ODF2: variants seen among roughly 807,000 people sequenced by gnomAD.
ODF2 encodes outer dense fiber of sperm tails 2.
A neutral mutation model predicts 110.2 loss-of-function variants in ODF2; 47 were observed. The ratio of observed to expected loss-of-function variants is 0.43; its 90% confidence interval spans 0.34 to 0.54. The LOEUF is 0.54. Ranked by LOEUF, ODF2 falls within the 20% of genes least tolerant of loss-of-function variation. The pLI is 0.03. For missense variants in ODF2, 812 were observed against 1,054.5 expected, an observed-to-expected ratio of 0.77 and a Z score of 3.19; for synonymous variants, 352 against 397.7, an observed-to-expected ratio of 0.89 and a Z score of 1.37.
intron 8 of ODF2, among the ~76,000 whole-genome samples, chr9:128,479,983 G>A (rs1011200957): frequency 2.6e-5 from 4 of 152,170 alleles, no homozygotes; most frequent in Non-Finnish European, 5.9e-5. Context: ...TTAGCCAGGT[G>A]TGGTGGCACA....
chr9:128,487,810 CACA>C, intron 13 of ODF2, 77 bp from the exon 14 acceptor site: 1 of 312,856 alleles, frequency 3.2e-6, no homozygotes, highest in Non-Finnish European at 4.4e-6. Context: ...ACAAAACACA[CACA>C]CACACACACA....
At chr9:128,492,353 G>C in intron 14 of ODF2, 73 bp from the exon 15 acceptor site, 2 of 1,008,432 alleles carry the variant, frequency 2.0e-6, no homozygotes, top group Non-Finnish European at 3.2e-6. Context: ...TGGTTCTTTG[G>C]ATAGAGTTGA....
chr9:128,477,339 A>G (rs141509914), intron 8 of ODF2, among the ~76,000 whole-genome samples: 1,797 of 151,892 alleles, frequency 0.012, 34 homozygotes, highest in African/African-American at 0.041. Flanking sequence ...GCTTGAGGCC[A>G]GGAGTTTGAG....
At chr9:128,493,407 C>CA (rs1023322694) in intron 16 of ODF2, among the ~76,000 whole-genome samples, 3 of 152,024 alleles carry the variant, frequency 2.0e-5, no homozygotes, top group Admixed American at 6.6e-5. Flanking sequence ...AACAAACAAA[C>CA]AAAAAACCTC....
chr9:128,501,069 T>C (rs1484871507), downstream of ODF2: 1 of 152,180 alleles, frequency 6.6e-6, no homozygotes, highest in Middle Eastern at 3.2e-3. Context: ...TTTAAAGTAC[T>C]TGGTGCCTGA....
chr9:128,471,068 C>T (rs967184913), intron 5 of ODF2, among the ~76,000 whole-genome samples: 3 of 152,114 alleles, frequency 2.0e-5, no homozygotes, highest in Non-Finnish European at 2.9e-5. Flanking sequence ...CATGTGCCAC[C>T]ACATCTGGCT....
chr9:128,492,854 A>C, intron 16 of ODF2, 49 bp downstream of exon 16: 1 of 1,479,216 alleles, frequency 6.8e-7, no homozygotes, highest in Middle Eastern at 1.7e-4. Context: ...TCCATATCTA[A>C]CTCAATGACT....
rs371896508 is a variant in ODF2, at chr9:128,471,296, C to A, written c.421-12C>A. The A allele has an allele frequency of 3.1e-6, 5 of 1,592,264 alleles. No individual in the cohort carries two copies. The highest frequency in any genetic ancestry group is 2.3e-5 in the East Asian group (1 of 43,754). Reference sequence around the variant, plus strand: ...TCCCTTCAGTGGCCCCTGCCTGGGTCCCCCTGCTCAGGTCAAGATGCAAAA... The same window carrying A: ...TCCCTTCAGTGGCCCCTGCCTGGGTACCCCTGCTCAGGTCAAGATGCAAAA... On this transcript the variant is annotated splice_polypyrimidine_tract_variant and intron_variant, in intron 5 of 20. Transcript: ENST00000604420.
chr9:128,476,935 G>A (rs1357769713), intron 8 of ODF2, among the ~76,000 whole-genome samples: 2 of 149,820 alleles, frequency 1.3e-5, no homozygotes, highest in African/African-American at 2.4e-5. Flanking sequence ...CACCGCGCCC[G>A]GCCTTATCTT....
Position 128,459,666 on chromosome 9 carries a change from TGCACTCACGTAGCA to T in ODF2, c.123+12_123+25del, listed in dbSNP as rs767567328. Reference sequence around the variant, plus strand: ...CCAGTGTAACTGTGACGGTAGGTGATGCACTCACGTAGCAGCCCTCTTTGGTCACCTTGCTAAAA... The same window carrying T: ...CCAGTGTAACTGTGACGGTAGGTGATGCCCTCTTTGGTCACCTTGCTAAAA... On this transcript the variant is annotated intron_variant, in intron 3 of 20. Transcript: ENST00000604420. The T allele has an allele frequency of 1.1e-5, 17 of 1,603,424 alleles. No homozygotes were observed. Among genetic ancestry groups the T allele is most frequent in the Non-Finnish European group, 1.5e-5 (17 of 1,170,486 alleles).
intron 2 of ODF2, among the ~76,000 whole-genome samples, chr9:128,458,807 G>A (rs1442022490): frequency 6.6e-6 from 1 of 151,960 alleles, no homozygotes; most frequent in Non-Finnish European, 1.5e-5. Flanking sequence ...GTGACCTCTC[G>A]TGCCTGAGCC....
At chr9:128,475,263 G>C (rs532674492) in intron 8 of ODF2, among the ~76,000 whole-genome samples, 1 of 152,226 alleles carries the variant, frequency 6.6e-6, no homozygotes, top group East Asian at 1.9e-4. Flanking sequence ...TCAGGGACTT[G>C]AGCATCTTTG....
Position 128,498,987 on chromosome 9 carries a change from C to G in ODF2, c.2176-14C>G, listed in dbSNP as rs202059508. The G allele has an allele frequency of 1.8e-3, 2,870 of 1,613,006 alleles. 2 individuals are homozygous for G. Among genetic ancestry groups the G allele is most frequent in the Non-Finnish European group, 2.3e-3 (2,723 of 1,179,012 alleles). ...CGGTAAACCAGTCTCATGTCTGGGC[C>G]TTTGAATGTGCAGGTGGAACAAACC... On this transcript the variant is annotated splice_polypyrimidine_tract_variant and intron_variant, in intron 19 of 20. Coordinates refer to ENST00000604420, the Ensembl canonical transcript of ODF2.
chr9:128,471,193 C>A, intron 5 of ODF2, 115 bp from the exon 6 acceptor site: 2 of 1,068,842 alleles, frequency 1.9e-6, no homozygotes, highest in East Asian at 2.7e-5. Context: ...GGATTACAGG[C>A]GTGAGCCACC....
At chr9:128,496,413 C>A in intron 18 of ODF2, 1 of 1,166,876 alleles carries the variant, frequency 8.6e-7, no homozygotes, top group Non-Finnish European at 1.1e-6. Flanking sequence ...CATGCCTGGT[C>A]CAGGCCTGCC....
At chr9:128,457,218 G>C (rs1236253815) in exon 2 of ODF2, 2 of 1,578,194 alleles carry the variant, frequency 1.3e-6, no homozygotes, top group African/African-American at 2.7e-5. Context: ...GTGCGACTTG[G>C]ACAGTAGAGG....
intron 6 of ODF2, among the ~76,000 whole-genome samples, chr9:128,471,695 G>A (rs568773705): frequency 6.6e-6 from 1 of 152,206 alleles, no homozygotes; most frequent in East Asian, 1.9e-4. Flanking sequence ...TGTGGGACTG[G>A]GTAGCAGGGA....
At chr9:128,481,645 G>A in exon 9 of ODF2, 1 of 1,613,700 alleles carries the variant, frequency 6.2e-7, no homozygotes, top group East Asian at 2.2e-5. Flanking sequence ...CCGACTCAGA[G>A]AAAGCGGTAA....
intron 5 of ODF2, 41 bp downstream of exon 5, chr9:128,469,394 A>AT: frequency 6.2e-7 from 1 of 1,603,128 alleles, no homozygotes. Flanking sequence ...TACCCTGAGG[A>AT]TGTGCAGGAG....
Sources: gnomAD v4.1 joint callset for allele counts (sites outside exome capture counted in the v4.1 genomes callset) on GRCh38, gnomAD v4.1.1 for gene constraint, MANE v1.5 for transcripts, NCBI Gene and HGNC (gene_info 2026-07-23, HGNC 2026-07-21) for gene names.